MEF2A: variants seen among roughly 807,000 people sequenced by gnomAD.
MEF2A encodes myocyte enhancer factor 2A.
In MEF2A, 28 loss-of-function variants were observed where a neutral mutation model predicts 55.8. The ratio of observed to expected loss-of-function variants is 0.50; its 90% CI spans 0.37 to 0.69. The LOEUF (loss-of-function observed/expected upper bound fraction) is 0.69, where lower values mean the gene tolerates loss of function less well. Among genes scored for constraint, MEF2A ranks in the 30% least tolerant of loss-of-function variants. The probability of loss-of-function intolerance (pLI) is 0.00; values close to 1 mark genes in which losing one functional copy is unlikely to be tolerated. For missense variants in MEF2A, 528 were observed against 626.2 expected (o/e 0.84, Z 1.67); for synonymous variants, 239 against 227.1 (o/e 1.05, Z -0.47).
At chr15:99,708,633 A>G (rs2058293474) in intron 10 of MEF2A, among the ~76,000 whole-genome samples, 2 of 152,134 alleles carry the variant, frequency 1.3e-5, no homozygotes, top group Admixed American at 1.3e-4. Flanking sequence ...TATTCAGCAA[A>G]TATTTATCAG....
chr15:99,608,491 A>G (rs544459488), intron 2 of MEF2A, among the ~76,000 whole-genome samples: 23 of 152,240 alleles, frequency 1.5e-4, no homozygotes, highest in Non-Finnish European at 2.9e-4. Flanking sequence ...GAAAGATGCC[A>G]TCTTTCAAAC....
chr15:99,597,415 A>G (rs113039180), intron 1 of MEF2A, among the ~76,000 whole-genome samples: 2 of 152,160 alleles, frequency 1.3e-5, no homozygotes, highest in East Asian at 1.9e-4. Context: ...GTCAGAGACC[A>G]GTTGATCTCA....
At chr15:99,696,404 A>G (rs2056491054) in intron 8 of MEF2A, among the ~76,000 whole-genome samples, 1 of 152,236 alleles carries the variant, frequency 6.6e-6, no homozygotes, top group Admixed American at 6.5e-5. Context: ...GGCATATTAT[A>G]TTCTCTGGCC....
At chr15:99,617,650 T>G (rs1222493675) in intron 2 of MEF2A, among the ~76,000 whole-genome samples, 1 of 152,140 alleles carries the variant, frequency 6.6e-6, no homozygotes, top group Non-Finnish European at 1.5e-5. Flanking sequence ...TACAGTAGGG[T>G]GGTTCCAGGG....
chr15:99,645,910 T>C (rs1430769686), intron 4 of MEF2A, 146 bp downstream of exon 4: 1 of 582,834 alleles, frequency 1.7e-6, no homozygotes, highest in African/African-American at 1.9e-5. Flanking sequence ...AGAAGAGTGA[T>C]TGCTGTATGG....
chr15:99,567,626 A>T (rs1960233530), intron 1 of MEF2A, among the ~76,000 whole-genome samples: 1 of 122,014 alleles, frequency 8.2e-6, no homozygotes, highest in Non-Finnish European at 1.7e-5. Flanking sequence ...TTTTGTATGT[A>T]CTGTGTGTGT....
intron 4 of MEF2A, among the ~76,000 whole-genome samples, chr15:99,659,804 A>G (rs2048340121): frequency 6.6e-6 from 1 of 152,234 alleles, no homozygotes; most frequent in African/African-American, 2.4e-5. Context: ...TTTTTTGAGC[A>G]TACATAATCT....
intron 1 of MEF2A, among the ~76,000 whole-genome samples, chr15:99,587,002 AC>A (rs1475460691): frequency 6.6e-6 from 1 of 152,010 alleles, no homozygotes; most frequent in African/African-American, 2.4e-5. Context: ...TTTTGTTATT[AC>A]AAGAGCACAC....
chr15:99,614,165 A>AAT (rs1178274146), intron 2 of MEF2A, among the ~76,000 whole-genome samples: 1 of 152,222 alleles, frequency 6.6e-6, no homozygotes, highest in African/African-American at 2.4e-5. Context: ...TACATGAGAT[A>AAT]ATATATATTA....
chr15:99,660,162 T>C (rs2048389823), intron 4 of MEF2A, among the ~76,000 whole-genome samples: 1 of 152,198 alleles, frequency 6.6e-6, no homozygotes, highest in Non-Finnish European at 1.5e-5. Flanking sequence ...AGCAAAATAT[T>C]AGTCTACTTC....
At chr15:99,701,630 T>A (rs1245985881) in intron 8 of MEF2A, among the ~76,000 whole-genome samples, 3 of 152,234 alleles carry the variant, frequency 2.0e-5, no homozygotes, top group Non-Finnish European at 2.9e-5. Context: ...CCTTGTGATG[T>A]TAACAATGTG....
Position 99,712,549 on chromosome 15 carries a change from A to G in MEF2A, c.1296A>G (p.Pro432=). The G allele has an allele frequency of 6.5e-7, 1 of 1,550,184 alleles. No individual in the cohort carries two copies. Among genetic ancestry groups the G allele is most frequent in the Non-Finnish European group, 8.7e-7 (1 of 1,146,628 alleles). ...QQQQQQQPPP[P]PQPQPQPPQP... ...AGCAGCAGCAGCAGCCGCCGCCACC[A>G]CCGCAGCCCCAGCCACAACCCCCGC... is the stretch of plus-strand genomic sequence containing the variant. The change falls in exon 12 of 12, where the codon CCA becomes CCG. Residue 432 remains proline, a synonymous_variant. Transcript: ENST00000557942. This position sits in a 1 kb window ranked among gnomAD's most constrained non-coding sequence, Gnocchi z 4.1.
chr15:99,714,902 A>G lies in MEF2A; in HGVS notation c.*2131A>G, dbSNP rs1043275400. 5.0e-5 allele frequency: 7 copies of G among 140,068 alleles called. No homozygotes were observed. The highest frequency in any genetic ancestry group is 1.9e-4 in the African/African-American group (7 of 37,162). 8.7% of individuals were successfully genotyped at this position (140,068 alleles called of 1,614,324 possible). ...CAGATTTCCTGACTGACACATAGGTATGATCAGTGCAGGAGAGACCTGCGC... is the reference window on the plus strand; with the variant it reads ...CAGATTTCCTGACTGACACATAGGTGTGATCAGTGCAGGAGAGACCTGCGC... On this transcript the variant is annotated 3_prime_UTR_variant, in exon 12 of 12. Coordinates refer to ENST00000557942, the MANE Select transcript of MEF2A (RefSeq NM_001319206.4).
intron 1 of MEF2A, among the ~76,000 whole-genome samples, chr15:99,571,150 C>T (rs908596485): frequency 1.3e-4 from 20 of 151,582 alleles, no homozygotes; most frequent in Non-Finnish European, 2.5e-4. Flanking sequence ...TGCCACTGCA[C>T]TCCAGCCTGG....
intron 1 of MEF2A, among the ~76,000 whole-genome samples, 199 bp downstream of exon 1, chr15:99,566,303 C>T (rs888526926): frequency 1.5e-5 from 2 of 134,746 alleles, no homozygotes; most frequent in African/African-American, 5.6e-5. Context: ...GGGTCGCGTT[C>T]GCGCATTGGC....
intron 3 of MEF2A, among the ~76,000 whole-genome samples, chr15:99,636,375 C>G (rs1287288852): frequency 6.6e-6 from 1 of 152,132 alleles, no homozygotes. Flanking sequence ...GAGACAGGGT[C>G]TTGCTGTGAT....
At chr15:99,704,098 A>C (rs2057747289) in intron 9 of MEF2A, among the ~76,000 whole-genome samples, 1 of 152,226 alleles carries the variant, frequency 6.6e-6, no homozygotes, top group Admixed American at 6.5e-5. Flanking sequence ...ATATAATTTC[A>C]AAGTCAGCTG....
intron 3 of MEF2A, among the ~76,000 whole-genome samples, chr15:99,642,580 T>C (rs1453462254): frequency 6.6e-6 from 1 of 152,220 alleles, no homozygotes; most frequent in Non-Finnish European, 1.5e-5. Flanking sequence ...GCTCACATTT[T>C]AGATCTGTTA....
intron 1 of MEF2A, among the ~76,000 whole-genome samples, chr15:99,588,282 A>G (rs76425545): frequency 3.3e-5 from 5 of 151,114 alleles, no homozygotes; most frequent in Admixed American, 6.6e-5. Context: ...ACACTCAGCT[A>G]ATTTTTTTTT....
Sources: allele counts gnomAD v4.1 joint callset (sites outside exome capture counted in the v4.1 genomes callset), GRCh38; gene constraint gnomAD v4.1.1; non-coding constraint Gnocchi (gnomAD v3.1); transcripts MANE v1.5; gene names NCBI Gene and HGNC (gene_info 2026-07-23, HGNC 2026-07-21).